Variants in SLC10A7 observed in about 807,000 individuals in gnomAD.
SLC10A7 encodes solute carrier family 10 member 7.
SLC10A7 carries 29 observed loss-of-function variants against 43.2 expected under a neutral mutation model. That is an observed-to-expected ratio of 0.67 (90% confidence interval 0.50 to 0.92). The LOEUF (loss-of-function observed/expected upper bound fraction) is 0.92. Among genes scored for constraint, SLC10A7 ranks in the 40% least tolerant of loss-of-function variants. The probability of loss-of-function intolerance (pLI) is 0.00; values close to 1 mark genes in which losing one functional copy is unlikely to be tolerated. For synonymous variants in SLC10A7, 152 were observed against 144.8 expected (o/e 1.05, Z -0.35); for missense variants, 295 against 403.2 (o/e 0.73, Z 2.30).
At chr4:146,313,123 T>C (rs1217076970) in intron 6 of SLC10A7, among the ~76,000 whole-genome samples, 3 of 151,970 alleles carry the variant, frequency 2.0e-5, no homozygotes, top group Non-Finnish European at 4.4e-5. Flanking sequence ...GGCAAGGGAG[T>C]AGCAAGGAAC....
rs923001853 is a variant in SLC10A7 at position 146,350,191 on chromosome 4, G to A, written c.436-24195C>T. Among the ~76,000 whole-genome samples, 5 of 146,442 alleles carry A rather than the reference G, an allele frequency of 3.4e-5. No homozygotes were observed. In the East Asian group the frequency reaches 6.1e-4, roughly 18 times the overall value. On this transcript the variant is annotated intron_variant, in intron 5 of 11. Coordinates refer to ENST00000335472, the MANE Select transcript of SLC10A7 (RefSeq NM_001029998.6). ...TGGGTGCGCGCACCGTGCGCTAGCC[G>A]AAGCAGGGCGAGGCATTGCCTCACC...
intron 4 of SLC10A7, among the ~76,000 whole-genome samples, chr4:146,479,842 T>C (rs928855701): frequency 6.6e-6 from 1 of 152,228 alleles, no homozygotes. Context: ...GTTTAGACTG[T>C]TGCCCTTTGA....
rs140473751 is a variant in SLC10A7 at position 146,332,401 on chromosome 4, C to T, written c.436-6405G>A. ...GTAATCTCCAATGTTGGTGGTGGAG[C>T]CTAGTGGGAGGTGATTGGATCACGG... On this transcript the variant is annotated intron_variant, in intron 5 of 11. Transcript: ENST00000335472. 3.9e-3 allele frequency among the ~76,000 whole-genome samples: 597 copies of T among 152,262 alleles called. 2 individuals are homozygous for T. The highest frequency in any genetic ancestry group is 0.013 in the African/African-American group (547 of 41,558).
intron 4 of SLC10A7, among the ~76,000 whole-genome samples, chr4:146,464,417 T>C (rs140785216): frequency 8.5e-4 from 129 of 152,284 alleles, no homozygotes; most frequent in African/African-American, 3.1e-3. Context: ...ATATTTTCTA[T>C]ATTGCTCACT....
intron 4 of SLC10A7, among the ~76,000 whole-genome samples, chr4:146,467,751 T>C (rs768767764): frequency 6.6e-6 from 1 of 151,934 alleles, no homozygotes; most frequent in Admixed American, 6.6e-5. Context: ...TTAGTAGAGA[T>C]GGGGTGTTGC....
chr4:146,405,299 T>C (rs945454063), intron 5 of SLC10A7, among the ~76,000 whole-genome samples: 4 of 152,100 alleles, frequency 2.6e-5, no homozygotes, highest in African/African-American at 9.7e-5. Context: ...GGCCAAAGAG[T>C]CCTAATCTTT....
At chr4:146,468,559 T>A (rs1457185114) in intron 4 of SLC10A7, among the ~76,000 whole-genome samples, 2 of 151,008 alleles carry the variant, frequency 1.3e-5, no homozygotes, top group East Asian at 1.9e-4. Context: ...AACCTCTGCC[T>A]CCAGGGTTTA....
intron 10 of SLC10A7, 40 bp downstream of exon 10, chr4:146,283,152 T>G: frequency 3.4e-6 from 5 of 1,458,608 alleles, no homozygotes; most frequent in South Asian, 1.2e-5. Context: ...TGTAACTATA[T>G]GAGGGTAATA....
chr4:146,293,335 T>C (rs1730567196), intron 8 of SLC10A7, among the ~76,000 whole-genome samples: 1 of 152,168 alleles, frequency 6.6e-6, no homozygotes, highest in South Asian at 2.1e-4. Context: ...TAACAAAAGA[T>C]TCTTTGATAT....
chr4:146,454,478 C>T (rs1731878229), intron 4 of SLC10A7, among the ~76,000 whole-genome samples: 1 of 151,886 alleles, frequency 6.6e-6, no homozygotes, highest in Non-Finnish European at 1.5e-5. Context: ...ACATCTCTTG[C>T]ACCCTCTCTA....
chr4:146,337,756 A>T (rs1328149610), intron 5 of SLC10A7, among the ~76,000 whole-genome samples: 1 of 151,980 alleles, frequency 6.6e-6, no homozygotes, highest in African/African-American at 2.4e-5. Context: ...GAACTCAACA[A>T]AAGGAATAAA....
chr4:146,353,197 A>G (rs1229245925), intron 5 of SLC10A7, among the ~76,000 whole-genome samples: 1 of 83,106 alleles, frequency 1.2e-5, no homozygotes, highest in East Asian at 4.5e-4. Context: ...AAAAATGATA[A>G]AGGGGATATC....
At chr4:146,259,445 A>T (rs1728085741) in intron 10 of SLC10A7, among the ~76,000 whole-genome samples, 1 of 152,228 alleles carries the variant, frequency 6.6e-6, no homozygotes. Flanking sequence ...GAAGATGAAT[A>T]CAAAAATTAG....
chr4:146,295,890 A>C (rs1424911044), intron 7 of SLC10A7, among the ~76,000 whole-genome samples: 1 of 152,200 alleles, frequency 6.6e-6, no homozygotes, highest in Non-Finnish European at 1.5e-5. Flanking sequence ...GCAATAGGTT[A>C]TAGAATGTAT....
intron 2 of SLC10A7, 59 bp from the exon 3 acceptor site, chr4:146,510,108 T>G (rs188709451): frequency 6.6e-6 from 10 of 1,509,460 alleles, no homozygotes; most frequent in Admixed American, 4.4e-5. Flanking sequence ...TGAAAGGAGA[T>G]CCCTACTAAA....
chr4:146,428,795 C>A (rs1729560975), intron 5 of SLC10A7, among the ~76,000 whole-genome samples: 1 of 152,042 alleles, frequency 6.6e-6, no homozygotes, highest in Non-Finnish European at 1.5e-5. Flanking sequence ...TCCTTTAATA[C>A]CAACAGTGAA....
intron 10 of SLC10A7, among the ~76,000 whole-genome samples, chr4:146,265,819 T>C (rs1035987218): frequency 1.3e-5 from 2 of 152,072 alleles, no homozygotes; most frequent in African/African-American, 2.4e-5. Flanking sequence ...AGGGCAAAAA[T>C]AGATTTGATA....
chr4:146,324,602 G>T (rs1393310108), intron 6 of SLC10A7, among the ~76,000 whole-genome samples: 2 of 152,108 alleles, frequency 1.3e-5, no homozygotes, highest in Non-Finnish European at 1.5e-5. Context: ...CTAGTCCCTT[G>T]ACCTACTGCA....
chr4:146,261,908 C>T (rs1466642805), intron 10 of SLC10A7, among the ~76,000 whole-genome samples: 2 of 152,138 alleles, frequency 1.3e-5, no homozygotes, highest in African/African-American at 4.8e-5. Context: ...TCCAGCGACT[C>T]GAGTCATATG....
Sources: allele counts gnomAD v4.1 joint callset (sites outside exome capture counted in the v4.1 genomes callset), GRCh38; gene constraint gnomAD v4.1.1; transcripts MANE v1.5; gene names NCBI Gene and HGNC (gene_info 2026-07-23, HGNC 2026-07-21).